Variants in EIF2S2 observed in about 807,000 individuals in gnomAD.
EIF2S2 encodes eukaryotic translation initiation factor 2 subunit 2.
Under a neutral mutation model 44.0 loss-of-function variants are expected in EIF2S2, and 4 were observed. The observed-to-expected ratio is 0.09, with a 90% CI of 0.04 to 0.21. The LOEUF (loss-of-function observed/expected upper bound fraction) is 0.21. Ranked by LOEUF, EIF2S2 falls within the 10% of genes least tolerant of loss-of-function variation. EIF2S2 has a pLI of 1.00. For synonymous variants in EIF2S2, 108 were observed against 128.3 expected, an observed-to-expected ratio of 0.84 and a Z score of 1.07; for missense variants, 154 against 392.0, an observed-to-expected ratio of 0.39 and a Z score of 5.13.
In EIF2S2 at chr20:34,089,959, G is replaced by A. The variant is rs2034144075; in HGVS notation, c.827-54C>T. 6 of 1,582,586 alleles carry A rather than the reference G, an allele frequency of 3.8e-6. No individual in the cohort carries two copies. The South Asian group carries it at 5.6e-5, about 15-fold the overall frequency. ...CTGGTGGCTGCAGTGAGGTAGAGAAGTTTCTGCCTTCTTAAATACATCTAC... is the reference window on the plus strand; with the variant it reads ...CTGGTGGCTGCAGTGAGGTAGAGAAATTTCTGCCTTCTTAAATACATCTAC... On this transcript the variant is annotated intron_variant, in intron 8 of 8. Transcript: ENST00000374980.
At chr20:34,099,361 G>GAA (rs535946701) in intron 3 of EIF2S2, among the ~76,000 whole-genome samples, 9 of 110,812 alleles carry the variant, frequency 8.1e-5, no homozygotes, top group Non-Finnish European at 1.8e-4. Context: ...CTGTCTCAAA[G>GAA]AAAAAAAAAA....
intron 3 of EIF2S2, among the ~76,000 whole-genome samples, chr20:34,101,518 C>G (rs1014338795): frequency 6.6e-6 from 1 of 152,058 alleles, no homozygotes; most frequent in African/African-American, 2.4e-5. Flanking sequence ...CACCTAGTCT[C>G]TAAGTCAATA....
In EIF2S2 at chr20:34,088,438, G is replaced by A. The variant is rs1041357510; in HGVS notation, c.*1292C>T. The A allele has an allele frequency of 1.2e-4, 19 of 152,710 alleles. No individual in the cohort carries two copies. The highest frequency in any genetic ancestry group is 4.6e-4 in the African/African-American group (19 of 41,460). 9.5% of individuals were successfully genotyped at this position (152,710 alleles called of 1,614,324 possible). ...AGTTGGGTTCATCGTGGCAGTTGGT[G>A]GCAGTTTCAGCCAGTGTGTGGGTTG... On this transcript the variant is annotated 3_prime_UTR_variant, in exon 9 of 9. Transcript: ENST00000374980.
At chr20:34,111,581 C>G (rs1271554142) in intron 1 of EIF2S2, among the ~76,000 whole-genome samples, 3 of 152,200 alleles carry the variant, frequency 2.0e-5, no homozygotes, top group East Asian at 3.9e-4. Context: ...AACCCCATCA[C>G]CCCCTCGTCT....
At chr20:34,091,777 G>GGT (rs1568711488) in intron 7 of EIF2S2, among the ~76,000 whole-genome samples, 4 of 15,008 alleles carry the variant, frequency 2.7e-4, no homozygotes, top group Non-Finnish European at 4.3e-4. Flanking sequence ...TTATTTTTTT[G>GGT]GGGGGGGGGG....
chr20:34,102,273 T>A (rs2034303706), intron 3 of EIF2S2, among the ~76,000 whole-genome samples: 1 of 152,202 alleles, frequency 6.6e-6, no homozygotes, highest in Non-Finnish European at 1.5e-5. Flanking sequence ...TAAATCCCAT[T>A]TCTGATTATA....
chr20:34,090,039 G>A (rs1191822328), intron 8 of EIF2S2, 134 bp from the exon 9 acceptor site: 3 of 921,370 alleles, frequency 3.3e-6, no homozygotes, highest in African/African-American at 3.3e-5. Flanking sequence ...GACCAGGGAA[G>A]CGCAGCTATT....
chr20:34,102,945 A>G (rs776023434), intron 3 of EIF2S2, among the ~76,000 whole-genome samples: 4 of 152,198 alleles, frequency 2.6e-5, no homozygotes, highest in Non-Finnish European at 4.4e-5. Context: ...CAATTCAGTA[A>G]TAAGACTCAC....
chr20:34,102,857 C>A (rs2034309330), intron 3 of EIF2S2, among the ~76,000 whole-genome samples: 1 of 152,190 alleles, frequency 6.6e-6, no homozygotes, highest in Non-Finnish European at 1.5e-5. Flanking sequence ...TCCACCTACC[C>A]TCCCTCCTAT....
At chr20:34,109,262 C>T (rs1454967597) in intron 1 of EIF2S2, among the ~76,000 whole-genome samples, 1 of 152,010 alleles carries the variant, frequency 6.6e-6, no homozygotes, top group East Asian at 1.9e-4. Context: ...GTGAATGGGA[C>T]CTAGTAGCAA....
chr20:34,098,323 CAA>C (rs2034255793), intron 4 of EIF2S2, among the ~76,000 whole-genome samples, 173 bp downstream of exon 4: 1 of 151,868 alleles, frequency 6.6e-6, no homozygotes, highest in South Asian at 2.1e-4. Flanking sequence ...TCACAGTTAA[CAA>C]ATTCTTTAAC....
In EIF2S2 at chr20:34,103,548, C is replaced by G; in HGVS notation, c.211G>C (p.Asp71His). Residue 71 changes from aspartate to histidine, a missense_variant, in exon 3 of 9, where the codon GAT becomes CAT. Physicochemically the swap from Asp to His is moderately conservative, Grantham distance 81. Transcript: ENST00000374980. ...TTTTGATTAAAGAAGTTCAAGTCAT[C>G]TAGATCATCAGAAGCATCTAAAAAG... is the stretch of plus-strand genomic sequence containing the variant. ...TRKKDASDDL[D>H]DLNFFNQKKK... The G allele has an allele frequency of 2.5e-6, 4 of 1,570,620 alleles. No individual in the cohort carries two copies. Among genetic ancestry groups the G allele is most frequent in the Non-Finnish European group, 3.5e-6 (4 of 1,157,006 alleles).
intron 3 of EIF2S2, among the ~76,000 whole-genome samples, chr20:34,100,963 T>C (rs190864542): frequency 9.6e-4 from 146 of 151,930 alleles, no homozygotes; most frequent in Non-Finnish European, 1.1e-3. Context: ...TATCCTGAAC[T>C]GTGCTGTCAA....
chr20:34,089,600 G>C lies in EIF2S2; in HGVS notation c.*130C>G, dbSNP rs2034138912. On this transcript the variant is annotated 3_prime_UTR_variant, in exon 9 of 9. Coordinates refer to ENST00000374980, the MANE Select transcript of EIF2S2 (RefSeq NM_003908.5). ...GCATCAGCGTCTTGCAAGGACTTCA[G>C]ACCAACCACTCGCCAAAAATCTTGG... 2 of 1,007,968 alleles carry C rather than the reference G, an allele frequency of 2.0e-6. No homozygotes were observed. The highest frequency in any genetic ancestry group is 1.6e-5 in the African/African-American group (1 of 61,228). The allele number at this position is 1,007,968 out of a possible 1,614,324, so 62.4% of individuals were successfully genotyped here.
chr20:34,112,216 G>C lies in EIF2S2; in HGVS notation c.-106C>G. 1 of 1,252,734 alleles carries C rather than the reference G, an allele frequency of 8.0e-7. No homozygotes were observed. The highest frequency in any genetic ancestry group is 1.1e-6 in the Non-Finnish European group (1 of 940,234). 77.6% of individuals were successfully genotyped at this position (1,252,734 alleles called of 1,614,324 possible). ...CGATACCTCTCCCACCACCGCACTA[G>C]GCTCTTGCATCAGCGAAAGGAAACG... is the stretch of plus-strand genomic sequence containing the variant. On this transcript the variant is annotated 5_prime_UTR_variant, in exon 1 of 9. Transcript: ENST00000374980.
In EIF2S2 at chr20:34,112,143, G is replaced by C; in HGVS notation, c.-33C>G. On this transcript the variant is annotated 5_prime_UTR_variant, in exon 1 of 9. Coordinates refer to ENST00000374980, the MANE Select transcript of EIF2S2 (RefSeq NM_003908.5). ...GCTCGAGTGGGCTCGGCACGGACGG[G>C]AAGTCAGACGGGTCAGCCCCAGGCC... The C allele has an allele frequency of 1.3e-6, 2 of 1,539,358 alleles. No homozygotes were observed. Among genetic ancestry groups the C allele is most frequent in the Non-Finnish European group, 1.8e-6 (2 of 1,139,836 alleles).
rs986366353 is a variant in EIF2S2, at chr20:34,112,123, A to G, written c.-13T>C. ...CGTCCCCAGACATGGCTGCGGCTCG[A>G]GTGGGCTCGGCACGGACGGGAAGTC... On this transcript the variant is annotated 5_prime_UTR_variant, in exon 1 of 9. Coordinates refer to ENST00000374980, the MANE Select transcript of EIF2S2 (RefSeq NM_003908.5). 6 of 1,550,020 alleles carry G rather than the reference A, an allele frequency of 3.9e-6. No homozygotes were observed. The highest frequency in any genetic ancestry group is 1.4e-5 in the African/African-American group (1 of 73,408).
rs2034424105 is a variant in EIF2S2, at chr20:34,112,219, T to C, written c.-109A>G. 29 of 1,227,738 alleles carry C rather than the reference T, an allele frequency of 2.4e-5. No individual in the cohort carries two copies. The highest frequency in any genetic ancestry group is 3.0e-5 in the Non-Finnish European group (28 of 922,638). 76.1% of individuals were successfully genotyped at this position (1,227,738 alleles called of 1,614,324 possible). ...TACCTCTCCCACCACCGCACTAGGC[T>C]CTTGCATCAGCGAAAGGAAACGACA... On this transcript the variant is annotated 5_prime_UTR_variant, in exon 1 of 9. Transcript: ENST00000374980.
intron 4 of EIF2S2, among the ~76,000 whole-genome samples, chr20:34,098,234 G>A (rs974872896): frequency 1.3e-5 from 2 of 149,180 alleles, no homozygotes; most frequent in Non-Finnish European, 3.0e-5. Context: ...CGACAAGAGT[G>A]AGACTCCGTC....
Sources: gnomAD v4.1 joint callset for allele counts (sites outside exome capture counted in the v4.1 genomes callset) on GRCh38, gnomAD v4.1.1 for gene constraint, MANE v1.5 for transcripts, NCBI Gene and HGNC (gene_info 2026-07-23, HGNC 2026-07-21) for gene names.